Variants in SPRED1 observed in about 807,000 individuals in gnomAD.
SPRED1 encodes the protein sprouty related EVH1 domain containing 1, also known as sprouty-related, EVH1 domain-containing protein 1.
SPRED1 carries 18 observed loss-of-function variants against 52.3 expected under a neutral mutation model. That is an observed-to-expected ratio of 0.34 (90% CI 0.24 to 0.51). The LOEUF is 0.51. Among genes scored for constraint, SPRED1 ranks in the 20% least tolerant of loss-of-function variants. The probability of loss-of-function intolerance (pLI) is 0.97; values close to 1 mark genes in which losing one functional copy is unlikely to be tolerated. For synonymous variants in SPRED1, 155 were observed against 179.7 expected (o/e 0.86, Z 1.10); for missense variants, 485 against 551.0 (o/e 0.88, Z 1.20).
At chr15:38,260,904 T>TC (rs1381302744) in intron 1 of SPRED1, among the ~76,000 whole-genome samples, 3 of 152,036 alleles carry the variant, frequency 2.0e-5, no homozygotes, top group African/African-American at 7.2e-5. Flanking sequence ...GATGAGTAAC[T>TC]CCAACATACA....
At chr15:38,299,618 C>A in intron 2 of SPRED1, 71 bp downstream of exon 2, 2 of 1,467,446 alleles carry the variant, frequency 1.4e-6, no homozygotes, top group Non-Finnish European at 1.9e-6. Context: ...GATTAGTATA[C>A]TGTTGTGAGT....
rs1396440734 is a variant in SPRED1, at chr15:38,273,307, T to C, written c.32+20090T>C. On this transcript the variant is annotated intron_variant, in intron 1 of 6. Coordinates refer to ENST00000299084, the MANE Select transcript of SPRED1 (RefSeq NM_152594.3). ...TTTGAAGAAACATCTTTATGTGTTA[T>C]ACTTAACTTTATAGTTCAGTAGTAG... Among the ~76,000 whole-genome samples the C allele has an allele frequency of 3.3e-5, 5 of 152,236 alleles. No homozygotes were observed. The East Asian group carries it at 7.7e-4, about 23-fold the overall frequency.
intron 4 of SPRED1, among the ~76,000 whole-genome samples, chr15:38,331,073 G>A (rs1390380639): frequency 6.6e-6 from 1 of 151,930 alleles, no homozygotes; most frequent in African/African-American, 2.4e-5. Flanking sequence ...ACACAAAATT[G>A]CTATAGAAGT....
chr15:38,263,574 G>T (rs1294750721), intron 1 of SPRED1, among the ~76,000 whole-genome samples: 1 of 152,100 alleles, frequency 6.6e-6, no homozygotes, highest in Admixed American at 6.5e-5. Flanking sequence ...TAGAAGCCAA[G>T]GGAAAAAGGA....
chr15:38,294,304 A>G (rs1202286949), intron 1 of SPRED1, among the ~76,000 whole-genome samples: 1 of 152,164 alleles, frequency 6.6e-6, no homozygotes, highest in Non-Finnish European at 1.5e-5. Flanking sequence ...TACTGTACAA[A>G]TCTTAAGGCA....
At chr15:38,347,089 G>A (rs1896153654) in intron 5 of SPRED1, among the ~76,000 whole-genome samples, 1 of 151,980 alleles carries the variant, frequency 6.6e-6, no homozygotes, top group Non-Finnish European at 1.5e-5. Flanking sequence ...TAATGCAGTT[G>A]AATTTATCAT....
At chr15:38,318,993 A>G (rs1895546460) in intron 2 of SPRED1, among the ~76,000 whole-genome samples, 1 of 152,162 alleles carries the variant, frequency 6.6e-6, no homozygotes, top group South Asian at 2.1e-4. Context: ...GATCACATTG[A>G]AATTTTATTT....
chr15:38,255,706 A>G (rs1180622636), intron 1 of SPRED1, among the ~76,000 whole-genome samples: 1 of 152,226 alleles, frequency 6.6e-6, no homozygotes, highest in Non-Finnish European at 1.5e-5. Context: ...GAAGAAAGAT[A>G]CGTATCATGG....
intron 2 of SPRED1, among the ~76,000 whole-genome samples, chr15:38,319,447 T>C (rs754662243): frequency 6.6e-6 from 1 of 152,212 alleles, no homozygotes; most frequent in Non-Finnish European, 1.5e-5. Flanking sequence ...TGGCATGATC[T>C]CGGCTCACTG....
At chr15:38,324,428 A>G (rs969163316) in intron 3 of SPRED1, among the ~76,000 whole-genome samples, 4 of 152,182 alleles carry the variant, frequency 2.6e-5, no homozygotes, top group Non-Finnish European at 5.9e-5. Context: ...ATCACATCTT[A>G]GCATCACCAG....
At chr15:38,257,219 A>G (rs1288347988) in intron 1 of SPRED1, among the ~76,000 whole-genome samples, 1 of 147,942 alleles carries the variant, frequency 6.8e-6, no homozygotes, top group Non-Finnish European at 1.5e-5. Flanking sequence ...TTAAAATCAT[A>G]TAATATTGTG....
At chr15:38,262,545 A>G (rs1349887702) in intron 1 of SPRED1, among the ~76,000 whole-genome samples, 1 of 152,208 alleles carries the variant, frequency 6.6e-6, no homozygotes, top group Non-Finnish European at 1.5e-5. Context: ...GTTGGAGGAA[A>G]GGCAATACCT....
At chr15:38,340,769 A>G (rs1260668716) in intron 5 of SPRED1, among the ~76,000 whole-genome samples, 1 of 152,110 alleles carries the variant, frequency 6.6e-6, no homozygotes, top group Admixed American at 6.5e-5. Context: ...CTCCTGACCT[A>G]TCCACCCGCC....
At chr15:38,316,748 G>GGTTT in intron 2 of SPRED1, among the ~76,000 whole-genome samples, 5,018 of 38,112 alleles carry the variant, frequency 0.13, 916 homozygotes, top group Admixed American at 0.16. Flanking sequence ...TCCATTATAT[G>GGTTT]TTTTTTTTTT....
At chr15:38,285,279 T>C (rs1180502783) in intron 1 of SPRED1, among the ~76,000 whole-genome samples, 2 of 152,188 alleles carry the variant, frequency 1.3e-5, no homozygotes, top group African/African-American at 4.8e-5. Context: ...AACAAAGATC[T>C]TTGAGTTTTT....
intron 1 of SPRED1, among the ~76,000 whole-genome samples, chr15:38,276,372 T>C (rs1280102868): frequency 6.6e-6 from 1 of 152,128 alleles, no homozygotes; most frequent in Non-Finnish European, 1.5e-5. Context: ...TATATAGCAT[T>C]TGTTTACATG....
At chr15:38,290,410 G>A (rs1037380816) in intron 1 of SPRED1, among the ~76,000 whole-genome samples, 1 of 152,186 alleles carries the variant, frequency 6.6e-6, no homozygotes, top group Non-Finnish European at 1.5e-5. Flanking sequence ...GGTGTAGTTT[G>A]TGAAAACCTC....
chr15:38,271,322 A>G (rs1894429885), intron 1 of SPRED1, among the ~76,000 whole-genome samples: 1 of 152,226 alleles, frequency 6.6e-6, no homozygotes, highest in African/African-American at 2.4e-5. Flanking sequence ...TCAATCACAC[A>G]TGTGCATTGG....
intron 5 of SPRED1, among the ~76,000 whole-genome samples, chr15:38,345,379 A>G (rs1001195982): frequency 5.3e-5 from 8 of 152,208 alleles, no homozygotes; most frequent in African/African-American, 1.9e-4. Context: ...CGACAAAATA[A>G]CTATGTCTTT....
Sources: gnomAD v4.1 joint callset for allele counts (sites outside exome capture counted in the v4.1 genomes callset) on GRCh38, gnomAD v4.1.1 for gene constraint, MANE v1.5 for transcripts, NCBI Gene and HGNC (gene_info 2026-07-23, HGNC 2026-07-21) for gene names.